The following ANK3 variants were observed in gnomAD, a reference collection of about 807,000 sequenced individuals.
ANK3 encodes ankyrin 3.
Under a neutral mutation model 370.9 loss-of-function variants are expected in ANK3, and 57 were observed. That is an observed-to-expected ratio of 0.15 (90% CI 0.12 to 0.19). ANK3 has a LOEUF of 0.19. Among genes scored for constraint, ANK3 ranks in the 10% least tolerant of loss-of-function variants. The probability of loss-of-function intolerance (pLI) is 1.00; values close to 1 mark genes in which losing one functional copy is unlikely to be tolerated. For synonymous variants in ANK3, 1,929 were observed against 1,946.3 expected (o/e 0.99, Z 0.23); for missense variants, 4,439 against 5,302.1 (o/e 0.84, Z 5.06).
intron 8 of ANK3, among the ~76,000 whole-genome samples, chr10:60,227,844 T>C (rs2097186388): frequency 6.6e-6 from 1 of 152,206 alleles, no homozygotes; most frequent in Non-Finnish European, 1.5e-5. Context: ...TTCAGCAAAT[T>C]TCAACAGTGG....
intron 2 of ANK3, among the ~76,000 whole-genome samples, chr10:60,408,590 T>A (rs1004559014): frequency 6.6e-6 from 1 of 152,166 alleles, no homozygotes; most frequent in East Asian, 1.9e-4. Context: ...CAGGCATTTC[T>A]TTATAGCAAC....
chr10:60,041,286 G>A (rs906464166), intron 43 of ANK3, among the ~76,000 whole-genome samples: 1 of 152,090 alleles, frequency 6.6e-6, no homozygotes, highest in African/African-American at 2.4e-5. Flanking sequence ...TGCTTTTCGG[G>A]TACAGCCCAG....
chr10:60,714,813 C>T (rs2132018226), intron 1 of ANK3, among the ~76,000 whole-genome samples: 1 of 152,118 alleles, frequency 6.6e-6, no homozygotes, highest in Middle Eastern at 3.4e-3. Context: ...AACATGGTTG[C>T]CAGGGGTTCA....
In ANK3 at chr10:60,387,369, G is replaced by A. The variant is rs533307367; in HGVS notation, c.114+2056C>T. 7.2e-5 allele frequency among the ~76,000 whole-genome samples: 11 copies of A among 152,314 alleles called. 1 individual carries two copies. Among genetic ancestry groups the A allele is most frequent in the African/African-American group, 2.6e-4 (11 of 41,576 alleles). Reference sequence around the variant, plus strand: ...ATAACAATTCACTTTATAGAGGAATGAGGGTCATATATGGCTATGCCACTG... The same window carrying A: ...ATAACAATTCACTTTATAGAGGAATAAGGGTCATATATGGCTATGCCACTG... On this transcript the variant is annotated intron_variant, in intron 1 of 43. Transcript: ENST00000280772.
Position 60,055,300 on chromosome 10 carries a change from C to T in ANK3, c.13065+358G>A, listed in dbSNP as rs377678081. Among the ~76,000 whole-genome samples, 4 of 152,134 alleles carry T rather than the reference C, an allele frequency of 2.6e-5. No homozygotes were observed. In the East Asian group the frequency reaches 5.8e-4, roughly 22 times the overall value. The stretch of plus-strand genomic sequence containing the variant: ...TATCCTCCTCCCATAAGGAAGAACA[C>T]GGAGTGGGAGTTAGGAAACCTAAAT... On this transcript the variant is annotated intron_variant, in intron 42 of 43. Transcript: ENST00000280772.
At chr10:60,286,120 T>G (rs75728162) in intron 1 of ANK3, among the ~76,000 whole-genome samples, 2,358 of 152,222 alleles carry the variant, frequency 0.015, 32 homozygotes, top group South Asian at 0.039. Context: ...AACACCCACA[T>G]ACCCTCTTTT....
chr10:60,094,716 CAT>C (rs1476754202), intron 28 of ANK3, among the ~76,000 whole-genome samples: 9 of 150,962 alleles, frequency 6.0e-5, no homozygotes, highest in African/African-American at 2.2e-4. Flanking sequence ...AAATAAATGA[CAT>C]AGATAGTAGG....
intron 4 of ANK3, among the ~76,000 whole-genome samples, chr10:60,273,247 G>C (rs1280151460): frequency 6.6e-6 from 1 of 152,000 alleles, no homozygotes; most frequent in Non-Finnish European, 1.5e-5. Flanking sequence ...CTTTCTTTTT[G>C]AGTGCTTGCC....
At chr10:60,698,450 C>T (rs572975155) in intron 1 of ANK3, among the ~76,000 whole-genome samples, 3 of 151,484 alleles carry the variant, frequency 2.0e-5, no homozygotes, top group East Asian at 1.9e-4. Context: ...GACACATGCA[C>T]ACGTATGTTT....
At chr10:60,319,617 C>T (rs146680965) in intron 1 of ANK3, among the ~76,000 whole-genome samples, 2 of 152,312 alleles carry the variant, frequency 1.3e-5, no homozygotes, top group Non-Finnish European at 2.9e-5. Context: ...CTAATGATCA[C>T]TCACTGGGCA....
At chr10:60,583,430 G>A (rs1016613918) in intron 2 of ANK3, among the ~76,000 whole-genome samples, 1 of 151,948 alleles carries the variant, frequency 6.6e-6, no homozygotes, top group African/African-American at 2.4e-5. Context: ...AATAAGTTCT[G>A]GTGGTTTATT....
At position 60,083,616 on chromosome 10, in the gene ANK3, A is replaced by G. The variant is rs750102431; in HGVS notation, c.4076T>C (p.Val1359Ala). ...EEVARSKDIE[V>A]LEGKPIYVDC... ...AACATAAATAGGTTTTCCTTCCAGA[A>G]CCTTTTAGAGTAAAAGAAATAAACA... The change falls in exon 33 of 44, where the codon GTT becomes GCT. Residue 1359 changes from valine to alanine, a missense_variant and splice_region_variant. By Grantham distance (64) the Val-to-Ala change is moderately conservative (BLOSUM62 0). This residue lies in a region of ANK3 where 702 missense variants were observed against 941.5 expected (regional missense o/e 0.75). Coordinates refer to ENST00000280772, the MANE Select transcript of ANK3 (RefSeq NM_020987.5). 1.3e-6 allele frequency: 2 copies of G among 1,593,582 alleles called. No individual in the cohort carries two copies. The highest frequency in any genetic ancestry group is 2.3e-5 in the South Asian group (2 of 86,446).
chr10:60,541,953 C>G (rs989534414), intron 2 of ANK3, among the ~76,000 whole-genome samples: 1 of 151,804 alleles, frequency 6.6e-6, no homozygotes, highest in Non-Finnish European at 1.5e-5. Context: ...CATTTCTGAG[C>G]ACTAAAAACT....
At chr10:60,645,823 T>C (rs1319533367) in intron 1 of ANK3, among the ~76,000 whole-genome samples, 2 of 152,182 alleles carry the variant, frequency 1.3e-5, no homozygotes, top group Non-Finnish European at 2.9e-5. Context: ...AGCAGCCTGA[T>C]CTGTCCGAAA....
chr10:60,459,966 A>G (rs545462464), intron 2 of ANK3, among the ~76,000 whole-genome samples: 4 of 152,274 alleles, frequency 2.6e-5, no homozygotes, highest in African/African-American at 9.6e-5. Flanking sequence ...AGTCGAGCAT[A>G]TGAGACACAA....
At chr10:60,478,750 T>C (rs2133096704) in intron 2 of ANK3, among the ~76,000 whole-genome samples, 1 of 152,168 alleles carries the variant, frequency 6.6e-6, no homozygotes, top group Non-Finnish European at 1.5e-5. Flanking sequence ...GAAAACCAAA[T>C]GGAGCATCTT....
chr10:60,180,313 T>C (rs1038471918), intron 18 of ANK3, among the ~76,000 whole-genome samples: 6 of 148,442 alleles, frequency 4.0e-5, no homozygotes, highest in African/African-American at 1.5e-4. Flanking sequence ...AGAAAGCATA[T>C]GTGGCTGGGT....
chr10:60,314,668 T>G (rs1278504365), intron 1 of ANK3, among the ~76,000 whole-genome samples: 1 of 152,106 alleles, frequency 6.6e-6, no homozygotes, highest in Non-Finnish European at 1.5e-5. Flanking sequence ...GGGGAAAATT[T>G]TATGCAGAAA....
chr10:60,422,751 G>A (rs10821762), intron 2 of ANK3, among the ~76,000 whole-genome samples: 55,676 of 151,796 alleles, frequency 0.37, 10,583 homozygotes, highest in South Asian at 0.44. Context: ...GACTGCACAA[G>A]CTAATAAAGA....
Sources: allele counts gnomAD v4.1 joint callset (sites outside exome capture counted in the v4.1 genomes callset), GRCh38; gene constraint gnomAD v4.1.1; regional missense constraint gnomAD v4.1.1; transcripts MANE v1.5; gene names NCBI Gene and HGNC (gene_info 2026-07-23, HGNC 2026-07-21).